Variants in RASGEF1C observed in about 807,000 individuals in gnomAD.
The protein encoded by RASGEF1C is RasGEF domain family member 1C.
A neutral mutation model predicts 58.1 loss-of-function variants in RASGEF1C; 27 were observed. That is an observed-to-expected ratio of 0.46 (90% CI 0.34 to 0.64). The LOEUF (loss-of-function observed/expected upper bound fraction) is 0.64. Among genes scored for constraint, RASGEF1C ranks in the 30% least tolerant of loss-of-function variants. The probability of loss-of-function intolerance (pLI) is 0.01; values close to 1 mark genes in which losing one functional copy is unlikely to be tolerated. For missense variants in RASGEF1C, 502 were observed against 605.1 expected (o/e 0.83, Z 1.79); for synonymous variants, 243 against 246.3 (o/e 0.99, Z 0.13).
At chr5:180,110,212 G>A (rs1211486113) in intron 12 of RASGEF1C, among the ~76,000 whole-genome samples, 1 of 152,240 alleles carries the variant, frequency 6.6e-6, no homozygotes, top group East Asian at 1.9e-4. Context: ...CAGCTCGCTG[G>A]GGTGGGAGCG....
At chr5:180,161,276 C>T (rs572837649) in intron 1 of RASGEF1C, among the ~76,000 whole-genome samples, 2 of 152,346 alleles carry the variant, frequency 1.3e-5, no homozygotes, top group Admixed American at 1.3e-4. Flanking sequence ...CTGCAGTGGG[C>T]AGGAGAGGGA....
chr5:180,202,513 C>A (rs1266955689), intron 1 of RASGEF1C, among the ~76,000 whole-genome samples: 1 of 151,940 alleles, frequency 6.6e-6, no homozygotes, highest in African/African-American at 2.4e-5. Flanking sequence ...AAGTCACTTA[C>A]AAAGGAAAGA....
chr5:180,194,211 T>C (rs1324767043), intron 1 of RASGEF1C, among the ~76,000 whole-genome samples: 1 of 152,178 alleles, frequency 6.6e-6, no homozygotes, highest in East Asian at 1.9e-4. Flanking sequence ...CTCTCTCTCC[T>C]CATTAAGGTG....
At chr5:180,179,821 A>G (rs922634740) in intron 1 of RASGEF1C, among the ~76,000 whole-genome samples, 1 of 152,224 alleles carries the variant, frequency 6.6e-6, no homozygotes, top group Non-Finnish European at 1.5e-5. Flanking sequence ...GTACCCAGAG[A>G]TAAGTCGTGT....
At chr5:180,195,322 A>T (rs1028123697) in intron 1 of RASGEF1C, among the ~76,000 whole-genome samples, 1 of 152,200 alleles carries the variant, frequency 6.6e-6, no homozygotes, top group Non-Finnish European at 1.5e-5. Flanking sequence ...AGTGGTCTCC[A>T]AACTGAGAAG....
intron 1 of RASGEF1C, among the ~76,000 whole-genome samples, chr5:180,184,220 T>A (rs1004645927): frequency 3.3e-5 from 5 of 151,750 alleles, no homozygotes; most frequent in African/African-American, 1.2e-4. Context: ...AGGTGGTTAA[T>A]TTAAATCCAA....
At chr5:180,119,011 G>C (rs1037831949) in intron 8 of RASGEF1C, 145 bp from the exon 9 acceptor site, 9 of 743,434 alleles carry the variant, frequency 1.2e-5, no homozygotes, top group Admixed American at 2.2e-5. Flanking sequence ...GGGGGTGCTG[G>C]TGGACATCAT....
In RASGEF1C at chr5:180,177,469, G is replaced by A. The variant is rs1386908856; in HGVS notation, c.-7+31559C>T. ...CAGTCCACGGGCAGGGCAGAGCCCCGGGCTTCCTTCCGGGACCCCTGCCAA... is the reference window on the plus strand; with the variant it reads ...CAGTCCACGGGCAGGGCAGAGCCCCAGGCTTCCTTCCGGGACCCCTGCCAA... On this transcript the variant is annotated intron_variant, in intron 1 of 13. Coordinates refer to ENST00000361132, the MANE Select transcript of RASGEF1C (RefSeq NM_175062.4). This position sits in a 1 kb window ranked among gnomAD's most constrained non-coding sequence, Gnocchi z 5.0. Among the ~76,000 whole-genome samples the A allele has an allele frequency of 1.3e-5, 2 of 152,220 alleles. No homozygotes were observed. The highest frequency in any genetic ancestry group is 4.8e-5 in the African/African-American group (2 of 41,466).
chr5:180,158,287 TCTC>T lies in RASGEF1C; in HGVS notation c.-6-20232_-6-20230del, dbSNP rs1196286967. On this transcript the variant is annotated intron_variant, in intron 1 of 13. Transcript: ENST00000361132. This position sits in a 1 kb window ranked among gnomAD's most constrained non-coding sequence, Gnocchi z 4.0. The stretch of plus-strand genomic sequence containing the variant: ...TTTCACCATCCTCCAAGAGATTCCT[TCTC>T]CTTTATGTGTTGGGCTCCCGTCTCC... 6.6e-6 allele frequency among the ~76,000 whole-genome samples: 1 copy of T among 152,170 alleles called. No homozygotes were observed. Among genetic ancestry groups the T allele is most frequent in the East Asian group, 1.9e-4 (1 of 5,186 alleles).
chr5:180,174,870 C>T (rs1351982391), intron 1 of RASGEF1C, among the ~76,000 whole-genome samples: 3 of 152,218 alleles, frequency 2.0e-5, no homozygotes, highest in African/African-American at 7.2e-5. Context: ...CCGACCTGTG[C>T]TATGTATGTC....
In RASGEF1C at chr5:180,199,559, T is replaced by G. The variant is rs112967987; in HGVS notation, c.-7+9469A>C. 3.2e-3 allele frequency among the ~76,000 whole-genome samples: 492 copies of G among 152,304 alleles called. 2 individuals are homozygous for G. The highest frequency in any genetic ancestry group is 6.1e-3 in the Non-Finnish European group (415 of 68,024). On this transcript the variant is annotated intron_variant, in intron 1 of 13. Transcript: ENST00000361132. Reference sequence around the variant, plus strand: ...ACATCCACTGCACGTAAAGCAGAAATGCACCAATTAGGATGCTGGTGTGGG... The same window carrying G: ...ACATCCACTGCACGTAAAGCAGAAAGGCACCAATTAGGATGCTGGTGTGGG...
chr5:180,119,374 G>C lies in RASGEF1C; in HGVS notation c.879C>G (p.Gly293=), dbSNP rs1232720096. ...TGATGGCCATGAGGGAGTTGAAGTTGCCGATGTTGAAGCACTCGCGGGCCA... is the reference window on the plus strand; with the variant it reads ...TGATGGCCATGAGGGAGTTGAAGTTCCCGATGTTGAAGCACTCGCGGGCCA... ...IDVARECFNI[G]NFNSLMAIIS... is the part of the protein sequence containing the mutation. Residue 293 remains glycine (G), a synonymous_variant, in exon 8 of 14, where the codon GGC becomes GGG. Coordinates refer to ENST00000361132, the MANE Select transcript of RASGEF1C (RefSeq NM_175062.4). 1 of 1,614,100 alleles carries C rather than the reference G, an allele frequency of 6.2e-7. No homozygotes were observed. Among genetic ancestry groups the C allele is most frequent in the Admixed American group, 1.7e-5 (1 of 60,026 alleles).
At position 180,136,635 on chromosome 5, in the gene RASGEF1C, C is replaced by A. The variant is rs1766482205; in HGVS notation, c.301-120G>T. ...GGCAGGGCCTCGTGCCCTCTCTGTGCCAGGGAGGAGGAGGGGGGTGCGATC... is the reference window on the plus strand; with the variant it reads ...GGCAGGGCCTCGTGCCCTCTCTGTGACAGGGAGGAGGAGGGGGGTGCGATC... On this transcript the variant is annotated intron_variant, in intron 3 of 13. Transcript: ENST00000361132. 5 of 1,093,216 alleles carry A rather than the reference C, an allele frequency of 4.6e-6. No homozygotes were observed. The African/African-American group carries it at 7.9e-5, about 17-fold the overall frequency. The allele number at this position is 1,093,216 out of a possible 1,614,324, so 67.7% of individuals were successfully genotyped here.
intron 1 of RASGEF1C, among the ~76,000 whole-genome samples, chr5:180,141,930 G>A (rs151126725): frequency 6.6e-6 from 1 of 152,136 alleles, no homozygotes; most frequent in East Asian, 1.9e-4. Context: ...GGATGGTCTC[G>A]ATCTCCTGAC....
At chr5:180,152,015 T>G (rs1766752703) in intron 1 of RASGEF1C, among the ~76,000 whole-genome samples, 1 of 149,428 alleles carries the variant, frequency 6.7e-6, no homozygotes, top group African/African-American at 2.4e-5. Context: ...AAAACCACAA[T>G]GAGATACCAT....
intron 1 of RASGEF1C, among the ~76,000 whole-genome samples, chr5:180,147,343 C>T (rs1306360229): frequency 6.6e-6 from 1 of 151,640 alleles, no homozygotes; most frequent in Non-Finnish European, 1.5e-5. Context: ...CTTCTGCTAG[C>T]TTTGGGTTTA....
At chr5:180,172,217 G>A (rs1231173551) in intron 1 of RASGEF1C, among the ~76,000 whole-genome samples, 1 of 152,156 alleles carries the variant, frequency 6.6e-6, no homozygotes, top group African/African-American at 2.4e-5. Flanking sequence ...AGCAGCCACT[G>A]GGTGTCCCAA....
At chr5:180,183,733 G>A (rs1164682558) in intron 1 of RASGEF1C, among the ~76,000 whole-genome samples, 1 of 151,802 alleles carries the variant, frequency 6.6e-6, no homozygotes, top group Admixed American at 6.6e-5. Context: ...TAAGGCAGGA[G>A]AATCGCTTGA....
In RASGEF1C at chr5:180,190,453, G is replaced by A. The variant is rs1191552909; in HGVS notation, c.-7+18575C>T. ...TGCAGTGAGCTGAGATCGCGCCACT[G>A]CACTCCAGACTGGGTGACAGAGTGA... is the stretch of plus-strand genomic sequence containing the variant. On this transcript the variant is annotated intron_variant, in intron 1 of 13. Coordinates refer to ENST00000361132, the MANE Select transcript of RASGEF1C (RefSeq NM_175062.4). Among the ~76,000 whole-genome samples, 19 of 133,496 alleles carry A rather than the reference G, an allele frequency of 1.4e-4. No individual in the cohort carries two copies. The South Asian group carries it at 2.0e-3, about 14-fold the overall frequency. 87.6% of individuals were successfully genotyped at this position (133,496 alleles called of 152,430 possible). A position where few individuals can be genotyped will look rare whatever the true frequency, so the allele number is the denominator to read the frequency against.
Sources: gnomAD v4.1 joint callset for allele counts (sites outside exome capture counted in the v4.1 genomes callset) on GRCh38, gnomAD v4.1.1 for gene constraint, Gnocchi (gnomAD v3.1) non-coding constraint, MANE v1.5 for transcripts, NCBI Gene and HGNC (gene_info 2026-07-23, HGNC 2026-07-21) for gene names.